The following PCDHA5 variants were observed in gnomAD, a reference collection of about 807,000 sequenced individuals.
PCDHA5 encodes protocadherin alpha 5, also known as protocadherin alpha-5.
In PCDHA5, 43 loss-of-function variants were observed where a neutral mutation model predicts 61.6. The ratio of observed to expected loss-of-function variants is 0.70; its 90% CI spans 0.55 to 0.90. The LOEUF (loss-of-function observed/expected upper bound fraction) is 0.90, where lower values mean the gene tolerates loss of function less well. Ranked by LOEUF, PCDHA5 falls within the 40% of genes least tolerant of loss-of-function variation. The probability of loss-of-function intolerance (pLI) is 0.00; values close to 1 mark genes in which losing one functional copy is unlikely to be tolerated. For missense variants in PCDHA5, 1,298 were observed against 1,222.7 expected (o/e 1.06, Z -0.92); for synonymous variants, 627 against 543.9 (o/e 1.15, Z -2.13).
intron 1 of PCDHA5, among the ~76,000 whole-genome samples, chr5:140,936,259 T>A (rs1327533719): frequency 6.6e-6 from 1 of 152,228 alleles, no homozygotes; most frequent in African/African-American, 2.4e-5. Context: ...CTTCAAGTCA[T>A]GAAGATATAT....
At chr5:140,916,832 G>A (rs1286597127) in intron 1 of PCDHA5, among the ~76,000 whole-genome samples, 3 of 152,104 alleles carry the variant, frequency 2.0e-5, no homozygotes, top group East Asian at 1.9e-4. Context: ...TATCCCTCTG[G>A]TTCTGAGCCC....
At chr5:140,836,666 G>T (rs1774663791) in intron 1 of PCDHA5, 1 of 1,613,284 alleles carries the variant, frequency 6.2e-7, no homozygotes, top group African/African-American at 1.3e-5. Context: ...TGTGCTCTGG[G>T]GAGGGCCCAC....
At chr5:140,884,254 G>A (rs1554181387) in intron 1 of PCDHA5, 2 of 1,613,406 alleles carry the variant, frequency 1.2e-6, no homozygotes, top group Admixed American at 1.7e-5. Flanking sequence ...TGACGGCCAC[G>A]GCAACGGTGC....
At chr5:140,959,800 G>A (rs193288186) in intron 1 of PCDHA5, among the ~76,000 whole-genome samples, 1 of 152,080 alleles carries the variant, frequency 6.6e-6, no homozygotes, top group Admixed American at 6.5e-5. Context: ...CTAATTTAGA[G>A]GATTTATATT....
In PCDHA5 at chr5:140,842,440, C is replaced by A. The variant is rs1777947165; in HGVS notation, c.2352+18313C>A. On this transcript the variant is annotated intron_variant, in intron 1 of 3. Coordinates refer to ENST00000529859, the MANE Select transcript of PCDHA5 (RefSeq NM_018908.3). ...TTGGTACTGTCATCGCCCTAATTAG[C>A]GTGAACGACCTCGATTCAGGTGCCA... The A allele has an allele frequency of 1.9e-6, 3 of 1,613,638 alleles. No homozygotes were observed. The South Asian group carries it at 3.3e-5, about 18-fold the overall frequency.
chr5:140,840,327 C>T (rs1421494341), intron 1 of PCDHA5, among the ~76,000 whole-genome samples: 1 of 151,704 alleles, frequency 6.6e-6, no homozygotes, highest in East Asian at 1.9e-4. Flanking sequence ...GACTCATTTT[C>T]TAGGCAATGT....
chr5:140,966,678 C>T, intron 1 of PCDHA5: 5 of 1,313,350 alleles, frequency 3.8e-6, no homozygotes, highest in South Asian at 3.6e-5. Context: ...CAGGGTGGCA[C>T]GAGCGGAGGC....
At chr5:140,829,937 A>G (rs1770693047) in intron 1 of PCDHA5, 2 of 1,614,002 alleles carry the variant, frequency 1.2e-6, no homozygotes, top group South Asian at 2.2e-5. Context: ...GCCCCCGGCA[A>G]GCAGCGCTCG....
intron 1 of PCDHA5, chr5:140,867,796 C>A (rs1477266622): frequency 4.6e-5 from 7 of 152,060 alleles, no homozygotes; most frequent in African/African-American, 1.7e-4. Context: ...TTTTACTTAG[C>A]ATTTTCTATG....
At chr5:140,995,488 C>T (rs1402273935) in intron 3 of PCDHA5, among the ~76,000 whole-genome samples, 26 of 152,182 alleles carry the variant, frequency 1.7e-4, no homozygotes, top group Admixed American at 1.6e-3. Context: ...TATTTTCAGA[C>T]TAAGGTTGAC....
intron 1 of PCDHA5, among the ~76,000 whole-genome samples, chr5:140,911,440 A>C (rs151200639): frequency 6.6e-5 from 10 of 152,168 alleles, no homozygotes; most frequent in African/African-American, 1.7e-4. Context: ...ATTTCCCGCA[A>C]TTTCAGCTCT....
At chr5:140,999,051 C>T (rs972072595) in intron 3 of PCDHA5, among the ~76,000 whole-genome samples, 6 of 152,196 alleles carry the variant, frequency 3.9e-5, no homozygotes, top group African/African-American at 9.7e-5. Flanking sequence ...TGCTTTCCAC[C>T]ATGCCTAAGT....
chr5:140,918,021 A>G (rs2078482403), intron 1 of PCDHA5, among the ~76,000 whole-genome samples: 2 of 152,190 alleles, frequency 1.3e-5, no homozygotes, highest in South Asian at 2.1e-4. Flanking sequence ...CTTCCTACCC[A>G]TGAGCGTGGA....
chr5:140,849,736 ACCGCGAGAGTGTGT>A, intron 1 of PCDHA5: 1 of 1,598,292 alleles, frequency 6.3e-7, no homozygotes, highest in Non-Finnish European at 8.6e-7. Context: ...AGAGCTCTGG[ACCGCGAGAGTGTGT>A]CCGCCTACGA....
chr5:140,882,769 A>C, intron 1 of PCDHA5: 1 of 1,614,242 alleles, frequency 6.2e-7, no homozygotes, highest in Admixed American at 1.7e-5. Context: ...TAAACTCGGC[A>C]TTGACCTACC....
At chr5:140,842,814 G>C (rs1581016277) in intron 1 of PCDHA5, 1 of 1,593,900 alleles carries the variant, frequency 6.3e-7, no homozygotes, top group African/African-American at 1.3e-5. Context: ...GTGGAGCGGC[G>C]GGTGGGCGAG....
At chr5:140,969,930 C>T (rs1200018667) in intron 1 of PCDHA5, among the ~76,000 whole-genome samples, 1 of 152,178 alleles carries the variant, frequency 6.6e-6, no homozygotes, top group Non-Finnish European at 1.5e-5. Flanking sequence ...AGTATTTAGA[C>T]ATCATACTGA....
chr5:140,987,730 C>CAA (rs2097266231), intron 3 of PCDHA5, among the ~76,000 whole-genome samples: 1 of 152,066 alleles, frequency 6.6e-6, no homozygotes, highest in African/African-American at 2.4e-5. Flanking sequence ...CCTACAGCTT[C>CAA]AAAATTTAGA....
At chr5:140,959,570 T>C (rs1324858058) in intron 1 of PCDHA5, among the ~76,000 whole-genome samples, 1 of 152,184 alleles carries the variant, frequency 6.6e-6, no homozygotes. Context: ...ACTAGATTTT[T>C]TGTTTCAATT....
Sources: gnomAD v4.1 joint callset for allele counts (sites outside exome capture counted in the v4.1 genomes callset) on GRCh38, gnomAD v4.1.1 for gene constraint, MANE v1.5 for transcripts, NCBI Gene and HGNC (gene_info 2026-07-23, HGNC 2026-07-21) for gene names.